The following CACNA1C variants were observed in gnomAD, a reference collection of about 807,000 sequenced individuals.
CACNA1C encodes the protein voltage-dependent L-type calcium channel subunit alpha-1C.
CACNA1C carries 30 observed loss-of-function variants against 229.0 expected under a neutral mutation model. The observed-to-expected ratio is 0.13, with a 90% CI of 0.10 to 0.18. CACNA1C has a LOEUF of 0.18. Among genes scored for constraint, CACNA1C ranks in the 10% least tolerant of loss-of-function variants. CACNA1C has a pLI of 1.00. For missense variants in CACNA1C, 1,658 were observed against 2,845.0 expected (o/e 0.58, Z 9.49); for synonymous variants, 1,114 against 1,132.5 (o/e 0.98, Z 0.33).
At chr12:2,592,535 G>A (rs887312970) in intron 18 of CACNA1C, among the ~76,000 whole-genome samples, 3 of 152,264 alleles carry the variant, frequency 2.0e-5, no homozygotes, top group Non-Finnish European at 2.9e-5. Flanking sequence ...CGTCATGAGC[G>A]TTGTGCTGGC....
intron 3 of CACNA1C, among the ~76,000 whole-genome samples, chr12:2,182,092 G>C (rs866407143): frequency 6.8e-6 from 1 of 146,122 alleles, no homozygotes; most frequent in Non-Finnish European, 1.5e-5. Flanking sequence ...TTTTAACATC[G>C]GGAGGGAACT....
intron 3 of CACNA1C, among the ~76,000 whole-genome samples, chr12:2,281,378 T>G (rs2091225918): frequency 6.6e-6 from 1 of 152,020 alleles, no homozygotes; most frequent in South Asian, 2.1e-4. Context: ...GTACCCTTGA[T>G]TCCTTTATGT....
intron 29 of CACNA1C, among the ~76,000 whole-genome samples, chr12:2,623,052 A>G (rs371731951): frequency 1.3e-5 from 2 of 152,186 alleles, no homozygotes; most frequent in African/African-American, 4.8e-5. Context: ...AATCTTTTGC[A>G]GGAGCCCAGG....
intron 29 of CACNA1C, among the ~76,000 whole-genome samples, chr12:2,617,679 A>G (rs2081307409): frequency 6.6e-6 from 1 of 152,114 alleles, no homozygotes; most frequent in South Asian, 2.1e-4. Flanking sequence ...CGGAGGGGAG[A>G]AATCTTTGGG....
At position 2,493,826 on chromosome 12, in the gene CACNA1C, A is replaced by G. The variant is rs1311263931; in HGVS notation, c.1113+440A>G. Among the ~76,000 whole-genome samples, 1 of 152,234 alleles carries G rather than the reference A, an allele frequency of 6.6e-6. No homozygotes were observed. Among genetic ancestry groups the G allele is most frequent in the Non-Finnish European group, 1.5e-5 (1 of 68,036 alleles). ...GAAGAAGTCCTGATCTTCTAAAAAG[A>G]AGTTATATAAAGAAACCATTTTTAT... On this transcript the variant is annotated intron_variant, in intron 7 of 46. Coordinates refer to ENST00000399655, the MANE Select transcript of CACNA1C (RefSeq NM_000719.7). The surrounding 1 kb of genome is among the most constrained non-coding windows in gnomAD (Gnocchi z 4.6).
At chr12:2,588,626 G>A (rs895649203) in intron 18 of CACNA1C, among the ~76,000 whole-genome samples, 3 of 152,154 alleles carry the variant, frequency 2.0e-5, no homozygotes, top group South Asian at 2.1e-4. Context: ...AGGGGCCATC[G>A]AGGCCAGCCA....
intron 3 of CACNA1C, among the ~76,000 whole-genome samples, chr12:2,224,910 G>A (rs75729273): frequency 0.039 from 5,890 of 152,270 alleles, 148 homozygotes; most frequent in Middle Eastern, 0.054. Flanking sequence ...TGTTAGGGCT[G>A]TTTTTCTTCT....
chr12:2,138,060 G>A (rs540595556), intron 3 of CACNA1C, among the ~76,000 whole-genome samples: 1 of 151,630 alleles, frequency 6.6e-6, no homozygotes, highest in South Asian at 2.1e-4. Context: ...CCTGTGACTT[G>A]CAAACCCCTT....
At chr12:2,368,612 T>C (rs1388330520) in intron 3 of CACNA1C, among the ~76,000 whole-genome samples, 1 of 152,156 alleles carries the variant, frequency 6.6e-6, no homozygotes, top group East Asian at 1.9e-4. Context: ...CTAAAAGATA[T>C]AGAAGAACAG....
intron 3 of CACNA1C, among the ~76,000 whole-genome samples, chr12:2,198,107 C>T (rs1566320802): frequency 6.6e-6 from 1 of 152,338 alleles, no homozygotes; most frequent in East Asian, 1.9e-4. Flanking sequence ...TGAGGACACC[C>T]GCCCTGGCTG....
At chr12:1,988,324 C>T (rs2038385482) in intron 1 of CACNA1C, among the ~76,000 whole-genome samples, 1 of 152,162 alleles carries the variant, frequency 6.6e-6, no homozygotes, top group Non-Finnish European at 1.5e-5. Context: ...GGAAAAAAGG[C>T]AGTAAATCTT....
At chr12:2,562,541 C>A (rs549086051) in intron 11 of CACNA1C, among the ~76,000 whole-genome samples, 28 of 152,252 alleles carry the variant, frequency 1.8e-4, no homozygotes, top group Non-Finnish European at 3.7e-4. Context: ...CAGAGGCATG[C>A]CCTGCAAGAT....
At chr12:2,237,282 G>A (rs1446547367) in intron 3 of CACNA1C, among the ~76,000 whole-genome samples, 1 of 152,220 alleles carries the variant, frequency 6.6e-6, no homozygotes, top group African/African-American at 2.4e-5. Flanking sequence ...GCACACAGCA[G>A]CCTCCATTGC....
chr12:2,641,087 C>A (rs1243313980), intron 30 of CACNA1C, among the ~76,000 whole-genome samples: 1 of 152,224 alleles, frequency 6.6e-6, no homozygotes, highest in Non-Finnish European at 1.5e-5. Flanking sequence ...GAGTGCCCCC[C>A]ACTGCCCATA....
At position 2,410,257 on chromosome 12, in the gene CACNA1C, G is replaced by A. The variant is rs2098792135; in HGVS notation, c.478-38719G>A. Among the ~76,000 whole-genome samples the A allele has an allele frequency of 6.6e-6, 1 of 152,116 alleles. No homozygotes were observed. The highest frequency in any genetic ancestry group is 1.5e-5 in the Non-Finnish European group (1 of 68,032). On this transcript the variant is annotated intron_variant, in intron 3 of 46. Coordinates refer to ENST00000399655, the MANE Select transcript of CACNA1C (RefSeq NM_000719.7). This position sits in a 1 kb window ranked among gnomAD's most constrained non-coding sequence, Gnocchi z 5.3. ...CCGCAGAATCGACCTCAACGAGCTCGTCGCCGGGCACCGTTTTAGCAGCCC... is the reference window on the plus strand; with the variant it reads ...CCGCAGAATCGACCTCAACGAGCTCATCGCCGGGCACCGTTTTAGCAGCCC...
At chr12:2,405,030 G>T (rs2098720571) in intron 3 of CACNA1C, among the ~76,000 whole-genome samples, 1 of 152,166 alleles carries the variant, frequency 6.6e-6, no homozygotes. Flanking sequence ...TTCCCCACCT[G>T]ACAGGCATGC....
intron 13 of CACNA1C, among the ~76,000 whole-genome samples, chr12:2,572,641 C>G (rs1439476213): frequency 7.2e-6 from 1 of 138,812 alleles, no homozygotes; most frequent in South Asian, 2.4e-4. Context: ...CCTCCTCCTT[C>G]TCCTCTTCCT....
rs189597679 is a variant in CACNA1C, at chr12:2,286,239, G to A, written c.478-162737G>A. Among the ~76,000 whole-genome samples the A allele has an allele frequency of 3.1e-4, 47 of 152,348 alleles. No homozygotes were observed. The East Asian group carries it at 8.5e-3, about 27-fold the overall frequency. ...CCTTCCATTTAGAGTTAATGTCAAA[G>A]CTTGCTGAGGCCTGGGAAACAGGTT... is the stretch of plus-strand genomic sequence containing the variant. On this transcript the variant is annotated intron_variant, in intron 3 of 46. Transcript: ENST00000399655.
At chr12:2,417,898 C>T (rs1297994946) in intron 3 of CACNA1C, among the ~76,000 whole-genome samples, 1 of 152,054 alleles carries the variant, frequency 6.6e-6, no homozygotes, top group African/African-American at 2.4e-5. Context: ...CCAGAGCAGA[C>T]ATTCTTCTAG....
Sources: allele counts gnomAD v4.1 joint callset (sites outside exome capture counted in the v4.1 genomes callset), GRCh38; gene constraint gnomAD v4.1.1; non-coding constraint Gnocchi (gnomAD v3.1); transcripts MANE v1.5; gene names NCBI Gene and HGNC (gene_info 2026-07-23, HGNC 2026-07-21).